Variants in ABTB3 observed in about 807,000 individuals in gnomAD.
ABTB3 encodes the protein ankyrin repeat- and BTB/POZ domain-containing protein 3.
chr12:107,406,227 C>T, the ABTB3 span, among the ~76,000 whole-genome samples: 45 of 152,194 alleles, frequency 3.0e-4, no homozygotes, highest in African/African-American at 9.4e-4. Context: ...GCACCAGAAG[C>T]ACCCCATAAA....
At chr12:107,563,922 G>T in the ABTB3 span, among the ~76,000 whole-genome samples, 2 of 152,128 alleles carry the variant, frequency 1.3e-5, no homozygotes, top group African/African-American at 4.8e-5. Context: ...AAATGGCCAG[G>T]CTGAAAAATC....
chr12:107,644,643 C>T, the ABTB3 span, among the ~76,000 whole-genome samples: 21 of 152,262 alleles, frequency 1.4e-4, no homozygotes, highest in African/African-American at 4.8e-4. Flanking sequence ...CAGGGGCACA[C>T]GCGCAAGTTC....
chr12:107,515,861 T>A, the ABTB3 span, among the ~76,000 whole-genome samples: 1 of 152,170 alleles, frequency 6.6e-6, no homozygotes, highest in Non-Finnish European at 1.5e-5. Context: ...AGACTGCCCA[T>A]GTCGACCCAT....
At chr12:107,523,318 T>C in the ABTB3 span, among the ~76,000 whole-genome samples, 1 of 152,190 alleles carries the variant, frequency 6.6e-6, no homozygotes, top group African/African-American at 2.4e-5. Flanking sequence ...TTCCATTCCC[T>C]TCAAACCTCT....
chr12:107,365,822 C>A, the ABTB3 span, among the ~76,000 whole-genome samples: 4 of 152,316 alleles, frequency 2.6e-5, no homozygotes, highest in East Asian at 7.7e-4. Flanking sequence ...AGGCAACTGA[C>A]CCACCAGAAA....
the ABTB3 span, among the ~76,000 whole-genome samples, chr12:107,369,289 A>G: frequency 1.3e-5 from 2 of 151,908 alleles, no homozygotes; most frequent in Non-Finnish European, 2.9e-5. Flanking sequence ...TTTGAGAGGG[A>G]TCCAAATTCA....
the ABTB3 span, among the ~76,000 whole-genome samples, chr12:107,371,740 C>T: frequency 1.3e-5 from 2 of 152,198 alleles, no homozygotes; most frequent in African/African-American, 2.4e-5. Flanking sequence ...ATTCACTCTT[C>T]AAGATCCATT....
At chr12:107,527,695 T>C in the ABTB3 span, among the ~76,000 whole-genome samples, 1 of 152,196 alleles carries the variant, frequency 6.6e-6, no homozygotes, top group African/African-American at 2.4e-5. Flanking sequence ...TCCAGCTGAA[T>C]CCAGAGGTCA....
At chr12:107,612,660 G>A in the ABTB3 span, 1 of 1,001,544 alleles carries the variant, frequency 1.0e-6, no homozygotes, top group Non-Finnish European at 1.5e-6. Flanking sequence ...GTTTATTTTT[G>A]TCATGCCGGA....
chr12:107,573,171 C>T, the ABTB3 span, among the ~76,000 whole-genome samples: 1 of 152,198 alleles, frequency 6.6e-6, no homozygotes, highest in Non-Finnish European at 1.5e-5. Flanking sequence ...GTGTATTGTG[C>T]ATAATCAGGG....
chr12:107,344,485 C>T, the ABTB3 span, among the ~76,000 whole-genome samples: 1 of 152,202 alleles, frequency 6.6e-6, no homozygotes, highest in East Asian at 1.9e-4. Context: ...ATATTTCCAG[C>T]CCCAGCTTTG....
At chr12:107,648,649 A>G in the ABTB3 span, among the ~76,000 whole-genome samples, 51 of 152,014 alleles carry the variant, frequency 3.4e-4, no homozygotes, top group Non-Finnish European at 1.0e-4. Context: ...GAAACCCTGG[A>G]CCCCTCATGG....
At chr12:107,394,765 A>G in the ABTB3 span, among the ~76,000 whole-genome samples, 1 of 152,246 alleles carries the variant, frequency 6.6e-6, no homozygotes, top group Non-Finnish European at 1.5e-5. Context: ...GCAAGCTCTC[A>G]GTAAATGATA....
At chr12:107,347,663 C>A in the ABTB3 span, among the ~76,000 whole-genome samples, 1 of 152,006 alleles carries the variant, frequency 6.6e-6, no homozygotes, top group African/African-American at 2.4e-5. Flanking sequence ...TAGAAACTCC[C>A]AAGTCAGTTA....
chr12:107,631,111 C>T, the ABTB3 span, among the ~76,000 whole-genome samples: 4 of 152,260 alleles, frequency 2.6e-5, no homozygotes, highest in East Asian at 1.9e-4. Context: ...TCTCTCCTAC[C>T]TCTTTTGGAT....
the ABTB3 span, among the ~76,000 whole-genome samples, chr12:107,412,567 G>A: frequency 6.6e-6 from 1 of 152,014 alleles, no homozygotes; most frequent in Admixed American, 6.6e-5. Context: ...CGAAAACTGG[G>A]GCCCCAAGAG....
the ABTB3 span, among the ~76,000 whole-genome samples, chr12:107,491,791 C>G: frequency 6.6e-6 from 1 of 150,402 alleles, no homozygotes; most frequent in Admixed American, 6.6e-5. Flanking sequence ...TCACCGCACT[C>G]CAGCCTGGGC....
At chr12:107,556,863 T>C in the ABTB3 span, among the ~76,000 whole-genome samples, 1 of 151,876 alleles carries the variant, frequency 6.6e-6, no homozygotes, top group Non-Finnish European at 1.5e-5. Flanking sequence ...AATACAAAAA[T>C]TAGCTGGGCA....
At chr12:107,493,031 C>T in the ABTB3 span, among the ~76,000 whole-genome samples, 1 of 151,330 alleles carries the variant, frequency 6.6e-6, no homozygotes, top group African/African-American at 2.4e-5. Context: ...CATTAACCTC[C>T]GGGGCAAAAG....
Sources: gnomAD v4.1 joint callset for allele counts (sites outside exome capture counted in the v4.1 genomes callset) on GRCh38, gnomAD v4.1.1 for gene constraint, MANE v1.5 for transcripts, NCBI Gene and HGNC (gene_info 2026-07-23, HGNC 2026-07-21) for gene names.